Variants in DAB1 observed in about 807,000 individuals in gnomAD.
DAB1 encodes DAB adaptor protein 1.
A neutral mutation model predicts 64.6 loss-of-function variants in DAB1; 15 were observed. The ratio of observed to expected loss-of-function variants is 0.23; its 90% confidence interval spans 0.16 to 0.36. The LOEUF (loss-of-function observed/expected upper bound fraction) is 0.36, where lower values mean the gene tolerates loss of function less well. Among genes scored for constraint, DAB1 ranks in the 10% least tolerant of loss-of-function variants. The pLI, the probability that DAB1 is intolerant of heterozygous loss-of-function variation, is 1.00. For synonymous variants in DAB1, 235 were observed against 251.9 expected (o/e 0.93, Z 0.64); for missense variants, 596 against 706.7 (o/e 0.84, Z 1.78).
intron 3 of DAB1, among the ~76,000 whole-genome samples, chr1:58,437,719 T>C (rs1644960764): frequency 6.6e-6 from 1 of 152,358 alleles, no homozygotes; most frequent in South Asian, 2.1e-4. Context: ...GTGGGGGATA[T>C]AGCATTAAAA....
intron 2 of DAB1, among the ~76,000 whole-genome samples, chr1:57,277,292 T>C (rs1419606697): frequency 6.6e-6 from 1 of 152,218 alleles, no homozygotes; most frequent in African/African-American, 2.4e-5. Context: ...TAAATCTCTA[T>C]GACTCTATTC....
chr1:57,470,576 C>T (rs1214398654), intron 7 of DAB1, among the ~76,000 whole-genome samples: 1 of 152,026 alleles, frequency 6.6e-6, no homozygotes, highest in Non-Finnish European at 1.5e-5. Context: ...AGGGGATAGC[C>T]CCCAAAAAGT....
At chr1:57,157,944 G>C (rs1660393273) in intron 2 of DAB1, among the ~76,000 whole-genome samples, 1 of 152,204 alleles carries the variant, frequency 6.6e-6, no homozygotes, top group African/African-American at 2.4e-5. Flanking sequence ...GGGAAATGAA[G>C]TCATTGGTGC....
chr1:58,456,665 C>T (rs1645195902), intron 3 of DAB1, among the ~76,000 whole-genome samples: 1 of 152,144 alleles, frequency 6.6e-6, no homozygotes, highest in Non-Finnish European at 1.5e-5. Flanking sequence ...AAGATGATGA[C>T]ACAAATCTCG....
intron 5 of DAB1, among the ~76,000 whole-genome samples, chr1:57,958,430 C>T (rs1361526485): frequency 6.6e-6 from 1 of 152,176 alleles, no homozygotes; most frequent in Non-Finnish European, 1.5e-5. Context: ...GTGAATACAA[C>T]CAAGAGAAAT....
chr1:58,420,476 TG>T (rs1400998251), intron 3 of DAB1, among the ~76,000 whole-genome samples: 1 of 152,230 alleles, frequency 6.6e-6, no homozygotes. Context: ...GTATTTTGCA[TG>T]AGTGTATATG....
At chr1:58,299,095 T>C (rs1662058508) in intron 4 of DAB1, among the ~76,000 whole-genome samples, 1 of 152,114 alleles carries the variant, frequency 6.6e-6, no homozygotes, top group African/African-American at 2.4e-5. Flanking sequence ...GGAAATTCTG[T>C]CTGTATTGGA....
At chr1:57,809,394 T>TA (rs1324425222) in intron 6 of DAB1, among the ~76,000 whole-genome samples, 1 of 152,208 alleles carries the variant, frequency 6.6e-6, no homozygotes, top group Non-Finnish European at 1.5e-5. Context: ...CAGAGGCAGG[T>TA]ATCATTATCC....
rs1006911511 is a variant in DAB1 at position 57,486,174 on chromosome 1, C to T, written n.625+163418G>A. The stretch of plus-strand genomic sequence containing the variant: ...CTTTAAATTATGCGCTCCCAAAACA[C>T]AGTTAAAAGATGTGCAATTTACAAA... On this transcript the variant is annotated intron_variant and non_coding_transcript_variant, in intron 7 of 20. Coordinates refer to the DAB1 transcript ENST00000485760. 5.3e-5 allele frequency among the ~76,000 whole-genome samples: 8 copies of T among 152,180 alleles called. No homozygotes were observed. In the East Asian group the frequency reaches 1.2e-3, roughly 22 times the overall value.
intron 3 of DAB1, among the ~76,000 whole-genome samples, chr1:58,438,483 C>T: frequency 6.6e-6 from 1 of 152,158 alleles, no homozygotes; most frequent in East Asian, 1.9e-4. Context: ...AAGCAGACAG[C>T]TGGGAGCATT....
intron 3 of DAB1, among the ~76,000 whole-genome samples, chr1:58,471,341 A>G (rs1043577211): frequency 6.6e-6 from 1 of 152,130 alleles, no homozygotes; most frequent in Non-Finnish European, 1.5e-5. Flanking sequence ...AATATTCACT[A>G]TCCTTGGAAA....
chr1:57,027,252 C>T (rs1481564543), intron 9 of DAB1, among the ~76,000 whole-genome samples: 1 of 152,074 alleles, frequency 6.6e-6, no homozygotes, highest in African/African-American at 2.4e-5. Context: ...GAGAAAGGAG[C>T]CCCAGGTCAG....
intron 4 of DAB1, among the ~76,000 whole-genome samples, chr1:58,248,305 C>G (rs563769980): frequency 6.6e-6 from 1 of 152,142 alleles, no homozygotes; most frequent in South Asian, 2.1e-4. Context: ...GCATGTACTG[C>G]TCAGCTACTC....
chr1:58,008,486 T>C (rs1646619926), intron 5 of DAB1, among the ~76,000 whole-genome samples: 1 of 151,958 alleles, frequency 6.6e-6, no homozygotes, highest in Non-Finnish European at 1.5e-5. Context: ...ATATAGCAAT[T>C]AACATTAAAA....
At chr1:58,192,162 A>T (rs1335468747) in intron 4 of DAB1, among the ~76,000 whole-genome samples, 1 of 152,218 alleles carries the variant, frequency 6.6e-6, no homozygotes, top group Non-Finnish European at 1.5e-5. Context: ...TTCCAGTTAT[A>T]GAAGGCACCT....
chr1:57,185,377 A>C (rs770501181), intron 2 of DAB1, among the ~76,000 whole-genome samples: 13 of 152,206 alleles, frequency 8.5e-5, no homozygotes, highest in Non-Finnish European at 1.5e-4. Flanking sequence ...CAGAATTTGC[A>C]GATTGTTAAG....
intron 4 of DAB1, among the ~76,000 whole-genome samples, chr1:58,218,613 T>A (rs1354858845): frequency 6.6e-6 from 1 of 152,168 alleles, no homozygotes; most frequent in African/African-American, 2.4e-5. Flanking sequence ...GGTCTCTCTG[T>A]CCTTGAATCT....
intron 4 of DAB1, among the ~76,000 whole-genome samples, chr1:57,087,126 T>C (rs911780128): frequency 1.3e-5 from 2 of 152,130 alleles, no homozygotes; most frequent in African/African-American, 2.4e-5. Context: ...CATTGTCCTT[T>C]CAGTAAACAA....
intron 1 of DAB1, among the ~76,000 whole-genome samples, chr1:57,854,864 T>G (rs946802500): frequency 3.3e-5 from 5 of 152,188 alleles, no homozygotes; most frequent in African/African-American, 7.2e-5. Context: ...CTTCTTCATG[T>G]GGGTTAATTC....
Sources: gnomAD v4.1 joint callset for allele counts (sites outside exome capture counted in the v4.1 genomes callset) on GRCh38, gnomAD v4.1.1 for gene constraint, MANE v1.5 for transcripts, NCBI Gene and HGNC (gene_info 2026-07-23, HGNC 2026-07-21) for gene names.